MYOF: variants seen among roughly 807,000 people sequenced by gnomAD.
MYOF encodes fer-1-like 3, myoferlin.
MYOF carries 244 observed loss-of-function variants against 284.2 expected under a neutral mutation model. The ratio of observed to expected loss-of-function variants is 0.86; its 90% CI spans 0.77 to 0.95. The LOEUF (loss-of-function observed/expected upper bound fraction) is 0.95. MYOF is among the 40% of genes least tolerant of loss of function. MYOF has a pLI of 0.00. For missense variants in MYOF, 2,496 were observed against 2,560.6 expected (o/e 0.97, Z 0.54); for synonymous variants, 904 against 919.7 (o/e 0.98, Z 0.31).
chr10:93,397,863 C>T (rs1054497115), intron 13 of MYOF, among the ~76,000 whole-genome samples: 5 of 152,024 alleles, frequency 3.3e-5, no homozygotes, highest in South Asian at 2.1e-4. Flanking sequence ...GTCTTTCCAT[C>T]GCTCTTCATT....
chr10:93,482,282 G>C lies in MYOF; in HGVS notation c.-88C>G. 27 of 1,110,140 alleles carry C rather than the reference G, an allele frequency of 2.4e-5. No homozygotes were observed. The highest frequency in any genetic ancestry group is 3.2e-5 in the Non-Finnish European group (24 of 747,364). 68.8% of individuals were successfully genotyped at this position (1,110,140 alleles called of 1,614,324 possible). A position where few individuals can be genotyped will look rare whatever the true frequency, so the allele number is the denominator to read the frequency against. On this transcript the variant is annotated 5_prime_UTR_variant, in exon 1 of 54. Transcript: ENST00000359263. ...CGGGTCGCACCGCCCTGGGAGAGAA[G>C]TTCTCTCCCAGTGAAGGGAGGATTT...
intron 38 of MYOF, chr10:93,341,802 C>A (rs1012069772): frequency 4.8e-6 from 3 of 621,320 alleles, no homozygotes; most frequent in African/African-American, 3.8e-5. Context: ...GTTTAAAGAT[C>A]ACTTTTCACT....
intron 38 of MYOF, among the ~76,000 whole-genome samples, chr10:93,341,020 C>T (rs1473901149): frequency 6.6e-6 from 1 of 152,136 alleles, no homozygotes; most frequent in African/African-American, 2.4e-5. Flanking sequence ...TTGGTATTTT[C>T]CAGATTGATT....
In MYOF at chr10:93,359,982, G is replaced by T; in HGVS notation, c.2975-4C>A. On this transcript the variant is annotated splice_polypyrimidine_tract_variant and splice_region_variant and intron_variant, in intron 28 of 53. Transcript: ENST00000359263. ...ATGGTGATTCCATATTCCCAGCCTGGAACAGAGTTTGTGAATGGTTACCCA... is the reference window on the plus strand; with the variant it reads ...ATGGTGATTCCATATTCCCAGCCTGTAACAGAGTTTGTGAATGGTTACCCA... 6.2e-7 allele frequency: 1 copy of T among 1,614,128 alleles called. No homozygotes were observed.
chr10:93,377,340 T>C lies in MYOF; in HGVS notation c.2091A>G (p.Glu697=). The C allele has an allele frequency of 6.2e-7, 1 of 1,613,936 alleles. No homozygotes were observed. Among genetic ancestry groups the C allele is most frequent in the Non-Finnish European group, 8.5e-7 (1 of 1,179,836 alleles). The change falls in exon 22 of 54, where the codon GAA becomes GAG. Residue 697 remains glutamate, a synonymous_variant. Transcript: ENST00000359263. ...CACTGTACCTCGTGTCTTCTATAAC[T>C]TCATCTATCAGCTTCAGCCACAATT... ...LAELWLKLID[E]VIEDTRYTLP... is the part of the protein sequence containing the mutation.
chr10:93,417,928 G>A (rs2134159685), intron 5 of MYOF, among the ~76,000 whole-genome samples: 1 of 152,200 alleles, frequency 6.6e-6, no homozygotes, highest in African/African-American at 2.4e-5. Flanking sequence ...CCCTAGAGTG[G>A]CTGAAATTAC....
At chr10:93,336,289 G>A (rs1236681266) in intron 40 of MYOF, among the ~76,000 whole-genome samples, 1 of 152,214 alleles carries the variant, frequency 6.6e-6, no homozygotes, top group Non-Finnish European at 1.5e-5. Context: ...CTGATGACAA[G>A]TGAAAACACG....
intron 21 of MYOF, among the ~76,000 whole-genome samples, chr10:93,378,886 T>C (rs1845984833): frequency 6.6e-6 from 1 of 151,500 alleles, no homozygotes; most frequent in African/African-American, 2.4e-5. Context: ...GTAATTTCTT[T>C]TGTATTTTTA....
intron 31 of MYOF, among the ~76,000 whole-genome samples, 171 bp from the exon 32 acceptor site, chr10:93,354,059 G>C (rs1844667204): frequency 6.6e-6 from 1 of 152,214 alleles, no homozygotes; most frequent in Non-Finnish European, 1.5e-5. Context: ...TCCCAAAGTA[G>C]TTCTATTTCC....
At chr10:93,355,853 T>C in intron 30 of MYOF, 117 bp from the exon 31 acceptor site, 1 of 704,910 alleles carries the variant, frequency 1.4e-6, no homozygotes, top group East Asian at 2.5e-5. Context: ...AAAGATGTTA[T>C]CGTGCAAACA....
chr10:93,363,915 A>T, intron 27 of MYOF, 46 bp downstream of exon 27: 1 of 1,575,616 alleles, frequency 6.3e-7, no homozygotes, highest in Non-Finnish European at 8.7e-7. Context: ...GCAGATCACG[A>T]TCAGAGGTGA....
At chr10:93,338,445 T>C (rs773958614) in intron 39 of MYOF, 1 of 457,000 alleles carries the variant, frequency 2.2e-6, no homozygotes, top group Admixed American at 2.3e-5. Flanking sequence ...TTGTTTAACA[T>C]CTCTGAGCAT....
intron 23 of MYOF, among the ~76,000 whole-genome samples, chr10:93,374,283 C>T (rs917485012): frequency 3.3e-5 from 5 of 152,182 alleles, no homozygotes; most frequent in Admixed American, 1.3e-4. Flanking sequence ...TGTACACCCA[C>T]CATCTTTTTA....
intron 3 of MYOF, among the ~76,000 whole-genome samples, chr10:93,442,930 G>A (rs968190710): frequency 6.6e-6 from 1 of 152,144 alleles, no homozygotes; most frequent in African/African-American, 2.4e-5. Context: ...AGGCCGAGGG[G>A]GGCGGGTCAC....
chr10:93,360,500 C>T (rs1845019863), intron 28 of MYOF, among the ~76,000 whole-genome samples: 1 of 152,190 alleles, frequency 6.6e-6, no homozygotes, highest in Admixed American at 6.5e-5. Flanking sequence ...AGCTATTGCT[C>T]AGTCAATGCT....
chr10:93,319,762 A>C, intron 49 of MYOF, 110 bp downstream of exon 49: 1 of 1,446,646 alleles, frequency 6.9e-7, no homozygotes, highest in Non-Finnish European at 9.5e-7. Context: ...GCTGAGAAGG[A>C]GCCGGACTCA....
intron 27 of MYOF, among the ~76,000 whole-genome samples, chr10:93,362,512 T>C (rs955475048): frequency 6.6e-6 from 1 of 152,190 alleles, no homozygotes; most frequent in African/African-American, 2.4e-5. Context: ...CCCGAAGTGC[T>C]GGGATTACAG....
chr10:93,435,074 T>C (rs116176686), intron 3 of MYOF, among the ~76,000 whole-genome samples: 1 of 152,342 alleles, frequency 6.6e-6, no homozygotes, highest in African/African-American at 2.4e-5. Flanking sequence ...TGGTATTAAA[T>C]GTCTAAATGC....
intron 41 of MYOF, among the ~76,000 whole-genome samples, chr10:93,334,268 A>G (rs1843492838): frequency 6.6e-6 from 1 of 152,144 alleles, no homozygotes; most frequent in Admixed American, 6.5e-5. Context: ...AAATACCAAC[A>G]GTGATTCCGC....
Sources: allele counts gnomAD v4.1 joint callset (sites outside exome capture counted in the v4.1 genomes callset), GRCh38; gene constraint gnomAD v4.1.1; transcripts MANE v1.5; gene names NCBI Gene and HGNC (gene_info 2026-07-23, HGNC 2026-07-21).